The following FBXL7 variants were observed in gnomAD, a reference collection of about 807,000 sequenced individuals.
FBXL7 encodes F-box and leucine rich repeat protein 7, also known as F-box/LRR-repeat protein 7.
A neutral mutation model predicts 38.3 loss-of-function variants in FBXL7; 12 were observed. The ratio of observed to expected loss-of-function variants is 0.31; its 90% confidence interval spans 0.20 to 0.51. The LOEUF is 0.51. FBXL7 is among the 20% of genes least tolerant of loss of function. The pLI, the probability that FBXL7 is intolerant of heterozygous loss-of-function variation, is 0.98. For synonymous variants in FBXL7, 297 were observed against 300.9 expected, an observed-to-expected ratio of 0.99 and a Z score of 0.13; for missense variants, 567 against 676.4, an observed-to-expected ratio of 0.84 and a Z score of 1.79.
chr5:15,818,864 T>C (rs949905549), intron 2 of FBXL7, among the ~76,000 whole-genome samples: 2 of 152,096 alleles, frequency 1.3e-5, no homozygotes, highest in Non-Finnish European at 2.9e-5. Context: ...ACTGAATACA[T>C]AATGATTTCC....
At chr5:15,577,543 T>C (rs975673953) in intron 1 of FBXL7, among the ~76,000 whole-genome samples, 1 of 152,120 alleles carries the variant, frequency 6.6e-6, no homozygotes, top group Admixed American at 6.5e-5. Flanking sequence ...AAATATATTC[T>C]AGTTGTTTTT....
At chr5:15,852,441 C>T (rs1215720719) in intron 2 of FBXL7, among the ~76,000 whole-genome samples, 1 of 152,098 alleles carries the variant, frequency 6.6e-6, no homozygotes, top group African/African-American at 2.4e-5. Context: ...CCCAAACTAC[C>T]CTGGTGAGTG....
chr5:15,569,818 A>G (rs1738710166), intron 1 of FBXL7, among the ~76,000 whole-genome samples: 1 of 152,174 alleles, frequency 6.6e-6, no homozygotes, highest in African/African-American at 2.4e-5. Flanking sequence ...GAATTTTTTC[A>G]AAGGCCTTTT....
intron 2 of FBXL7, among the ~76,000 whole-genome samples, chr5:15,905,986 T>C (rs1741349012): frequency 6.6e-6 from 1 of 152,012 alleles, no homozygotes; most frequent in African/African-American, 2.4e-5. Context: ...TCCTAGTATA[T>C]AAAATATCAA....
At chr5:15,684,408 G>C (rs1579376204) in intron 2 of FBXL7, among the ~76,000 whole-genome samples, 1 of 152,200 alleles carries the variant, frequency 6.6e-6, no homozygotes, top group East Asian at 1.9e-4. Flanking sequence ...GGGTAAATAG[G>C]AGTATTGCAG....
intron 2 of FBXL7, among the ~76,000 whole-genome samples, chr5:15,702,101 G>T (rs552076276): frequency 6.6e-6 from 1 of 152,204 alleles, no homozygotes; most frequent in African/African-American, 2.4e-5. Context: ...AGCCAGGAGT[G>T]CTGGCCGGTT....
At chr5:15,541,553 T>C (rs1737755161) in intron 1 of FBXL7, among the ~76,000 whole-genome samples, 1 of 139,868 alleles carries the variant, frequency 7.1e-6, no homozygotes, top group South Asian at 2.3e-4. Context: ...CTTTTTTTTT[T>C]TTTTTTTTTG....
At chr5:15,527,778 A>AC (rs1737294761) in intron 1 of FBXL7, among the ~76,000 whole-genome samples, 2 of 152,312 alleles carry the variant, frequency 1.3e-5, no homozygotes, top group South Asian at 4.1e-4. Flanking sequence ...AGGGAACTGT[A>AC]GGTCATCTGT....
intron 2 of FBXL7, among the ~76,000 whole-genome samples, chr5:15,825,335 A>G (rs754900303): frequency 1.1e-4 from 16 of 152,200 alleles, no homozygotes; most frequent in Non-Finnish European, 1.2e-4. Flanking sequence ...TGTTAATATT[A>G]TCTGAACTTG....
intron 1 of FBXL7, among the ~76,000 whole-genome samples, chr5:15,598,820 T>G (rs1468966689): frequency 6.6e-6 from 1 of 152,208 alleles, no homozygotes; most frequent in African/African-American, 2.4e-5. Flanking sequence ...GATGGGTCTG[T>G]GTTGATGGGC....
intron 2 of FBXL7, among the ~76,000 whole-genome samples, chr5:15,724,775 C>T (rs904448986): frequency 6.6e-6 from 1 of 152,106 alleles, no homozygotes; most frequent in Non-Finnish European, 1.5e-5. Context: ...CAGTTGTTCC[C>T]TTTAATATTC....
At chr5:15,769,420 C>T (rs544978522) in intron 2 of FBXL7, among the ~76,000 whole-genome samples, 21 of 152,288 alleles carry the variant, frequency 1.4e-4, no homozygotes, top group African/African-American at 4.8e-4. Flanking sequence ...AAATCCTTCA[C>T]TAATCCATGC....
intron 1 of FBXL7, among the ~76,000 whole-genome samples, chr5:15,566,062 T>C (rs1375377758): frequency 6.6e-6 from 1 of 151,978 alleles, no homozygotes; most frequent in Non-Finnish European, 1.5e-5. Flanking sequence ...GAATAAAATA[T>C]AGATGGCAGG....
At position 15,899,021 on chromosome 5, in the gene FBXL7, C is replaced by T. The variant is rs564797967; in HGVS notation, c.128-28869C>T. Among the ~76,000 whole-genome samples, 4 of 152,040 alleles carry T rather than the reference C, an allele frequency of 2.6e-5. No homozygotes were observed. The South Asian group carries it at 8.3e-4, about 32-fold the overall frequency. On this transcript the variant is annotated intron_variant, in intron 2 of 3. Transcript: ENST00000504595. ...ATATGTATACACACATTCTATCAAT[C>T]ATTATATATATATTTATACACACAT...
intron 2 of FBXL7, among the ~76,000 whole-genome samples, chr5:15,712,375 C>T (rs1053883843): frequency 1.4e-5 from 2 of 146,884 alleles, no homozygotes; most frequent in Non-Finnish European, 3.0e-5. Context: ...AAACCTAAAA[C>T]GACAGCAACA....
chr5:15,512,275 T>C (rs1736819337), intron 1 of FBXL7, among the ~76,000 whole-genome samples: 1 of 152,230 alleles, frequency 6.6e-6, no homozygotes, highest in Admixed American at 6.5e-5. Flanking sequence ...ATTCATTTGG[T>C]CTTTAATTGC....
chr5:15,791,410 G>A (rs781281033), intron 2 of FBXL7, among the ~76,000 whole-genome samples: 2 of 152,060 alleles, frequency 1.3e-5, no homozygotes, highest in African/African-American at 4.8e-5. Context: ...TCCACTGTAC[G>A]GCAGCTACAT....
At chr5:15,609,008 T>C (rs1236374236) in intron 1 of FBXL7, among the ~76,000 whole-genome samples, 40 of 152,166 alleles carry the variant, frequency 2.6e-4, no homozygotes, top group Admixed American at 2.6e-3. Flanking sequence ...TGAGCATATG[T>C]GTGGCGTGGA....
At chr5:15,517,725 A>G (rs2126368134) in intron 1 of FBXL7, among the ~76,000 whole-genome samples, 1 of 152,316 alleles carries the variant, frequency 6.6e-6, no homozygotes, top group South Asian at 2.1e-4. Flanking sequence ...TACAGGAGTT[A>G]AGGGGGACCC....
Sources: allele counts gnomAD v4.1 joint callset (sites outside exome capture counted in the v4.1 genomes callset), GRCh38; gene constraint gnomAD v4.1.1; transcripts MANE v1.5; gene names NCBI Gene and HGNC (gene_info 2026-07-23, HGNC 2026-07-21).